ZC3H3: variants seen among roughly 807,000 people sequenced by gnomAD.
ZC3H3 encodes zinc finger CCCH-type containing 3.
ZC3H3 carries 36 observed loss-of-function variants against 77.3 expected under a neutral mutation model. The observed-to-expected ratio is 0.47, with a 90% CI of 0.36 to 0.61. The LOEUF (loss-of-function observed/expected upper bound fraction) is 0.61, where lower values mean the gene tolerates loss of function less well. ZC3H3 is among the 20% of genes least tolerant of loss of function. The pLI, the probability that ZC3H3 is intolerant of heterozygous loss-of-function variation, is 0.00. For synonymous variants in ZC3H3, 626 were observed against 555.2 expected (o/e 1.13, Z -1.79); for missense variants, 1,331 against 1,312.2 (o/e 1.01, Z -0.22).
intron 9 of ZC3H3, 88 bp downstream of exon 9, chr8:143,465,629 C>T: frequency 6.4e-7 from 1 of 1,562,492 alleles, no homozygotes; most frequent in Non-Finnish European, 8.7e-7. Flanking sequence ...GATGGGTCAT[C>T]CAGCCACCAC....
intron 2 of ZC3H3, 25 bp downstream of exon 2, chr8:143,537,978 T>C (rs371654549): frequency 1.4e-5 from 22 of 1,573,836 alleles, no homozygotes; most frequent in Non-Finnish European, 1.6e-5. Context: ...CCTCACACTC[T>C]ACCGCAGCCG....
chr8:143,461,248 C>T (rs964703901), intron 9 of ZC3H3, among the ~76,000 whole-genome samples: 1 of 152,166 alleles, frequency 6.6e-6, no homozygotes, highest in African/African-American at 2.4e-5. Flanking sequence ...CCCATAAGCA[C>T]CCAGGTGCTC....
intron 9 of ZC3H3, among the ~76,000 whole-genome samples, chr8:143,452,842 C>A (rs1236001776): frequency 6.6e-6 from 1 of 152,132 alleles, no homozygotes; most frequent in Non-Finnish European, 1.5e-5. Flanking sequence ...AACAAAAGAC[C>A]TAACATTCAT....
chr8:143,505,740 G>A (rs908287250), intron 4 of ZC3H3, among the ~76,000 whole-genome samples: 89 of 152,188 alleles, frequency 5.8e-4, no homozygotes, highest in African/African-American at 2.1e-3. Context: ...CTTCACACAC[G>A]GAGAAGACAC....
At chr8:143,439,608 G>A (rs1169052872) in intron 11 of ZC3H3, among the ~76,000 whole-genome samples, 1 of 152,218 alleles carries the variant, frequency 6.6e-6, no homozygotes, top group Non-Finnish European at 1.5e-5. Context: ...CAAATTAACA[G>A]AAATGGGTGC....
At chr8:143,442,374 C>T (rs1819764312) in intron 9 of ZC3H3, among the ~76,000 whole-genome samples, 1 of 133,746 alleles carries the variant, frequency 7.5e-6, no homozygotes, top group South Asian at 2.4e-4. Context: ...GATGCCCGGT[C>T]CTGCAGCAGA....
At chr8:143,484,725 T>G (rs1821004198) in intron 4 of ZC3H3, 1 of 322,590 alleles carries the variant, frequency 3.1e-6, no homozygotes, top group Admixed American at 4.6e-5. Flanking sequence ...GGACCCACTC[T>G]GTCTGTGCCA....
chr8:143,475,705 G>A (rs945861139), intron 4 of ZC3H3, 120 bp from the exon 5 acceptor site: 11 of 1,200,942 alleles, frequency 9.2e-6, no homozygotes, highest in South Asian at 3.2e-5. Context: ...CAGCACTTGC[G>A]GTGGGTACAC....
chr8:143,500,046 C>T (rs536480434), intron 4 of ZC3H3, among the ~76,000 whole-genome samples: 1 of 152,158 alleles, frequency 6.6e-6, no homozygotes, highest in African/African-American at 2.4e-5. Flanking sequence ...ATCCTCTCTG[C>T]AAACACTCCA....
At chr8:143,478,903 C>A (rs1190621107) in intron 4 of ZC3H3, among the ~76,000 whole-genome samples, 1 of 152,210 alleles carries the variant, frequency 6.6e-6, no homozygotes, top group East Asian at 1.9e-4. Flanking sequence ...GTGAGAACAC[C>A]CAGAGGACAT....
chr8:143,455,179 T>C (rs1472845511), intron 9 of ZC3H3, among the ~76,000 whole-genome samples: 27 of 152,020 alleles, frequency 1.8e-4, no homozygotes, highest in Admixed American at 1.6e-3. Context: ...CTGGGTGTGG[T>C]GGCGGGGGCC....
intron 4 of ZC3H3, among the ~76,000 whole-genome samples, chr8:143,480,541 G>A (rs978672619): frequency 3.9e-5 from 6 of 152,236 alleles, no homozygotes; most frequent in African/African-American, 9.6e-5. Context: ...CAGTGGCCTC[G>A]CAGTCAGGGC....
At chr8:143,525,369 G>C (rs1822379696) in intron 3 of ZC3H3, among the ~76,000 whole-genome samples, 1 of 152,244 alleles carries the variant, frequency 6.6e-6, no homozygotes, top group Non-Finnish European at 1.5e-5. Context: ...CGTGGGCGCG[G>C]TCTCCTCTTC....
At chr8:143,438,162 G>A (rs534309623) in intron 11 of ZC3H3, 75 bp from the exon 12 acceptor site, 26 of 1,546,570 alleles carry the variant, frequency 1.7e-5, no homozygotes, top group Middle Eastern at 1.7e-4. Flanking sequence ...GCTCCTGATC[G>A]GGCTCAGGAT....
chr8:143,487,083 C>T (rs375163936), intron 4 of ZC3H3, among the ~76,000 whole-genome samples: 1 of 5,132 alleles, frequency 1.9e-4, no homozygotes. Flanking sequence ...CACGGCCCCA[C>T]CACCACGAAG....
intron 3 of ZC3H3, among the ~76,000 whole-genome samples, chr8:143,523,046 C>T (rs1362207426): frequency 1.3e-5 from 2 of 152,220 alleles, no homozygotes; most frequent in African/African-American, 4.8e-5. Flanking sequence ...AGTCCAGGGC[C>T]CCTCAGGGTC....
Position 143,538,359 on chromosome 8 carries a change from A to G in ZC3H3, c.1008T>C (p.Asn336=), listed in dbSNP as rs758823709. 3.1e-6 allele frequency: 5 copies of G among 1,612,890 alleles called. No individual in the cohort carries two copies. The highest frequency in any genetic ancestry group is 4.2e-6 in the Non-Finnish European group (5 of 1,180,034). Residue 336 remains asparagine (N), a synonymous_variant, in exon 2 of 12, where the codon AAT becomes AAC. Coordinates refer to ENST00000262577, the MANE Select transcript of ZC3H3 (RefSeq NM_015117.3). The part of the protein sequence containing the change: ...RALSPRVAAE[N]VCKASAGMAN... ...CCATGCCAGCAGAGGCCTTGCACAC[A>G]TTCTCTGCAGCCACTCTGGGACTGA...
intron 9 of ZC3H3, among the ~76,000 whole-genome samples, chr8:143,445,529 TA>T (rs1027668040): frequency 6.7e-6 from 1 of 149,812 alleles, no homozygotes; most frequent in African/African-American, 2.5e-5. Flanking sequence ...TACAAAAGAT[TA>T]AAAAAAAACA....
intron 9 of ZC3H3, among the ~76,000 whole-genome samples, chr8:143,464,475 G>A (rs1820354612): frequency 6.6e-6 from 1 of 152,302 alleles, no homozygotes; most frequent in South Asian, 2.1e-4. Context: ...TGGGAAGTGG[G>A]TGTGAGGACT....
Sources: allele counts gnomAD v4.1 joint callset (sites outside exome capture counted in the v4.1 genomes callset), GRCh38; gene constraint gnomAD v4.1.1; transcripts MANE v1.5; gene names NCBI Gene and HGNC (gene_info 2026-07-23, HGNC 2026-07-21).